Variants in KLF12 observed in about 807,000 individuals in gnomAD.
KLF12 encodes Krueppel-like factor 12.
KLF12 carries 9 observed loss-of-function variants against 37.8 expected under a neutral mutation model. The ratio of observed to expected loss-of-function variants is 0.24; its 90% CI spans 0.14 to 0.42. KLF12 has a LOEUF of 0.42. KLF12 is among the 10% of genes least tolerant of loss of function. KLF12 has a pLI of 1.00. For missense variants in KLF12, 411 were observed against 516.0 expected (o/e 0.80, Z 1.97); for synonymous variants, 208 against 202.1 (o/e 1.03, Z -0.25).
chr13:73,952,218 G>A (rs1038894825), intron 2 of KLF12, among the ~76,000 whole-genome samples: 8 of 152,110 alleles, frequency 5.3e-5, no homozygotes, highest in South Asian at 4.1e-4. Flanking sequence ...AAGAACTACC[G>A]GATACCAGGT....
Position 73,845,436 on chromosome 13 carries a change from C to T in KLF12, c.670+391G>A, listed in dbSNP as rs369958481. On this transcript the variant is annotated intron_variant, in intron 4 of 7. Transcript: ENST00000377669. ...CTGAACAACTCAACAAAGAAACATC[C>T]GGATTTACTTAAAAAAATTTACAAT... Among the ~76,000 whole-genome samples, 47 of 152,122 alleles carry T rather than the reference C, an allele frequency of 3.1e-4. No individual in the cohort carries two copies. In the East Asian group the frequency reaches 4.6e-3, roughly 15 times the overall value.
chr13:74,064,565 A>G (rs1224109513), intron 1 of KLF12, among the ~76,000 whole-genome samples: 1 of 152,232 alleles, frequency 6.6e-6, no homozygotes, highest in Non-Finnish European at 1.5e-5. Flanking sequence ...CATTTTGGAC[A>G]TAGTCCAGAG....
chr13:74,211,518 G>A, the KLF12 span, among the ~76,000 whole-genome samples: 1 of 152,142 alleles, frequency 6.6e-6, no homozygotes, highest in Non-Finnish European at 1.5e-5. Flanking sequence ...AGGAAATCAA[G>A]CAGAACAATT....
intron 3 of KLF12, among the ~76,000 whole-genome samples, chr13:73,914,750 T>G (rs1407406077): frequency 6.6e-6 from 1 of 152,170 alleles, no homozygotes; most frequent in Non-Finnish European, 1.5e-5. Flanking sequence ...GTTTCTTTAG[T>G]AAATGGTCTG....
At chr13:74,213,779 C>T in the KLF12 span, among the ~76,000 whole-genome samples, 6 of 152,060 alleles carry the variant, frequency 3.9e-5, no homozygotes, top group Non-Finnish European at 4.4e-5. Flanking sequence ...CTCCTTGAAG[C>T]CCAAATATCC....
At chr13:74,201,272 C>T in the KLF12 span, among the ~76,000 whole-genome samples, 4 of 152,126 alleles carry the variant, frequency 2.6e-5, no homozygotes, top group Non-Finnish European at 4.4e-5. Flanking sequence ...AAACCTTTGG[C>T]AGCATAGAAT....
intron 7 of KLF12, among the ~76,000 whole-genome samples, chr13:73,704,460 G>T (rs1874781713): frequency 6.6e-6 from 1 of 152,126 alleles, no homozygotes; most frequent in African/African-American, 2.4e-5. Flanking sequence ...CTCCCTGCCT[G>T]CCCCACTCTG....
chr13:73,759,998 CAACT>C (rs1193026621), intron 6 of KLF12, among the ~76,000 whole-genome samples: 3 of 152,104 alleles, frequency 2.0e-5, no homozygotes, highest in Non-Finnish European at 4.4e-5. Flanking sequence ...CTAACATTTG[CAACT>C]GCATGAATAT....
At chr13:74,136,299 G>C (rs939144315), upstream of KLF12, among the ~76,000 whole-genome samples, 6 of 152,172 alleles carry the variant, frequency 3.9e-5, no homozygotes, top group African/African-American at 1.4e-4. Context: ...CCCACTCCCT[G>C]ATCCGATCCT....
At chr13:73,742,254 T>C (rs1878053797) in intron 6 of KLF12, among the ~76,000 whole-genome samples, 1 of 152,208 alleles carries the variant, frequency 6.6e-6, no homozygotes, top group Non-Finnish European at 1.5e-5. Context: ...CTGTAGAACA[T>C]ACACTTTTTT....
chr13:74,220,558 G>A, the KLF12 span, among the ~76,000 whole-genome samples: 2 of 152,110 alleles, frequency 1.3e-5, no homozygotes, highest in Non-Finnish European at 2.9e-5. Flanking sequence ...ACTCTTTTTA[G>A]TTATTTTCAA....
In KLF12 at chr13:74,056,829, G is replaced by A. The variant is rs77789308; in HGVS notation, c.-31-61776C>T. On this transcript the variant is annotated intron_variant, in intron 1 of 7. Coordinates refer to ENST00000377669, the MANE Select transcript of KLF12 (RefSeq NM_007249.5). ...TGTCTGCCTTTTTTGGGAGGGGAGA[G>A]AAGGATGAAATTCATCTCAGTGGAA... Among the ~76,000 whole-genome samples, 552 of 152,328 alleles carry A rather than the reference G, an allele frequency of 3.6e-3. 3 individuals are homozygous for A. Among genetic ancestry groups the A allele is most frequent in the African/African-American group, 0.013 (526 of 41,580 alleles).
the KLF12 span, among the ~76,000 whole-genome samples, chr13:74,275,878 C>CTTTCTTCTTTCT: frequency 9.4e-5 from 5 of 52,982 alleles, no homozygotes; most frequent in Non-Finnish European, 1.5e-4. Context: ...ATCTTTCTTT[C>CTTTCTTCTTTCT]TTCTTTCTTT....
chr13:74,297,484 G>A, the KLF12 span, among the ~76,000 whole-genome samples: 1 of 152,194 alleles, frequency 6.6e-6, no homozygotes, highest in Non-Finnish European at 1.5e-5. Flanking sequence ...ACAGTAATCT[G>A]CAAAATAGGA....
At chr13:74,008,034 G>A (rs1404390583) in intron 1 of KLF12, among the ~76,000 whole-genome samples, 1 of 152,108 alleles carries the variant, frequency 6.6e-6, no homozygotes, top group Non-Finnish European at 1.5e-5. Flanking sequence ...TGACCAGCTG[G>A]AAAGGGATAC....
At chr13:73,779,441 G>T (rs1205055150) in intron 5 of KLF12, among the ~76,000 whole-genome samples, 1 of 152,182 alleles carries the variant, frequency 6.6e-6, no homozygotes, top group African/African-American at 2.4e-5. Flanking sequence ...GAGCTGTCAG[G>T]TTGGTGAATA....
At chr13:74,275,405 G>A in the KLF12 span, among the ~76,000 whole-genome samples, 14 of 152,124 alleles carry the variant, frequency 9.2e-5, no homozygotes, top group Admixed American at 4.6e-4. Flanking sequence ...TTCCGTTATA[G>A]TCTAACTAGT....
At chr13:73,988,385 TTA>T (rs1891882242) in intron 2 of KLF12, among the ~76,000 whole-genome samples, 1 of 152,206 alleles carries the variant, frequency 6.6e-6, no homozygotes, top group Admixed American at 6.5e-5. Context: ...CTGTAGAAAC[TTA>T]TCTGCCCATC....
At chr13:73,893,936 GA>G (rs1320049832) in intron 3 of KLF12, among the ~76,000 whole-genome samples, 3 of 152,138 alleles carry the variant, frequency 2.0e-5, no homozygotes, top group African/African-American at 7.2e-5. Flanking sequence ...ACCAAAGGAA[GA>G]GACAATGTTA....
Sources: allele counts gnomAD v4.1 joint callset (sites outside exome capture counted in the v4.1 genomes callset), GRCh38; gene constraint gnomAD v4.1.1; transcripts MANE v1.5; gene names NCBI Gene and HGNC (gene_info 2026-07-23, HGNC 2026-07-21).